The following B3GALT1 variants were observed in gnomAD, a reference collection of about 807,000 sequenced individuals.
B3GALT1 encodes beta-1,3-galactosyltransferase 1, also known as UDP-Gal:betaGlcNAc beta 1,3-galactosyltransferase, polypeptide 1.
A neutral mutation model predicts 23.2 loss-of-function variants in B3GALT1; 10 were observed. That is an observed-to-expected ratio of 0.43 (90% confidence interval 0.27 to 0.73). The LOEUF (loss-of-function observed/expected upper bound fraction) is 0.73, where lower values mean the gene tolerates loss of function less well. B3GALT1 is among the 30% of genes least tolerant of loss of function. The probability of loss-of-function intolerance (pLI) is 0.21; values close to 1 mark genes in which losing one functional copy is unlikely to be tolerated. For synonymous variants in B3GALT1, 156 were observed against 141.5 expected, an observed-to-expected ratio of 1.10 and a Z score of -0.73; for missense variants, 299 against 405.4, an observed-to-expected ratio of 0.74 and a Z score of 2.25.
intron 3 of B3GALT1, among the ~76,000 whole-genome samples, chr2:167,765,837 A>G (rs1251989257): frequency 6.6e-6 from 1 of 152,258 alleles, no homozygotes; most frequent in African/African-American, 2.4e-5. Context: ...GATAAACCTT[A>G]TAACACCATA....
chr2:167,583,961 A>G (rs1318140292), intron 2 of B3GALT1, among the ~76,000 whole-genome samples: 1 of 151,282 alleles, frequency 6.6e-6, no homozygotes, highest in African/African-American at 2.4e-5. Context: ...CTAGACATAT[A>G]TACCAAATAC....
intron 2 of B3GALT1, among the ~76,000 whole-genome samples, chr2:167,522,218 A>G (rs930121394): frequency 6.6e-6 from 1 of 152,012 alleles, no homozygotes; most frequent in Middle Eastern, 3.4e-3. Flanking sequence ...GTGTCGAGTC[A>G]TTACTCAGCC....
At position 167,399,809 on chromosome 2, in the gene B3GALT1, G is replaced by A. The variant is rs189298962; in HGVS notation, c.-510-90368G>A. Among the ~76,000 whole-genome samples, 1,330 of 151,728 alleles carry A rather than the reference G, an allele frequency of 8.8e-3. 4 individuals are homozygous for A. The highest frequency in any genetic ancestry group is 0.015 in the Non-Finnish European group (1,030 of 67,884). On this transcript the variant is annotated intron_variant, in intron 1 of 4. Transcript: ENST00000392690. ...TCTGTGTTGGAGACACTATTTTCTGGGATTTTATATTTTCTTCTGTCTTGT... is the reference window on the plus strand; with the variant it reads ...TCTGTGTTGGAGACACTATTTTCTGAGATTTTATATTTTCTTCTGTCTTGT...
intron 1 of B3GALT1, among the ~76,000 whole-genome samples, chr2:167,425,994 G>T (rs1336308254): frequency 6.6e-6 from 1 of 152,040 alleles, no homozygotes; most frequent in Non-Finnish European, 1.5e-5. Context: ...TCAAGCTAAG[G>T]CATGTAACCT....
chr2:167,410,111 T>C (rs1176928581), intron 1 of B3GALT1, among the ~76,000 whole-genome samples: 1 of 151,952 alleles, frequency 6.6e-6, no homozygotes, highest in Non-Finnish European at 1.5e-5. Context: ...AAAGAATGAG[T>C]TCATGTCCTT....
intron 1 of B3GALT1, among the ~76,000 whole-genome samples, chr2:167,297,048 G>A (rs923905431): frequency 2.0e-5 from 3 of 152,022 alleles, no homozygotes; most frequent in African/African-American, 7.2e-5. Flanking sequence ...CAATAACACT[G>A]CGTAATATGT....
intron 2 of B3GALT1, among the ~76,000 whole-genome samples, chr2:167,636,238 G>T (rs907712519): frequency 6.6e-6 from 1 of 151,908 alleles, no homozygotes; most frequent in Non-Finnish European, 1.5e-5. Flanking sequence ...AGGTGAGCAT[G>T]GCAGGGCAGG....
At chr2:167,815,471 C>T (rs1351380079) in intron 3 of B3GALT1, among the ~76,000 whole-genome samples, 2 of 152,072 alleles carry the variant, frequency 1.3e-5, no homozygotes, top group African/African-American at 4.8e-5. Flanking sequence ...CACACACAAA[C>T]CAGGATCAAA....
intron 4 of B3GALT1, among the ~76,000 whole-genome samples, chr2:167,834,217 A>G (rs1689410888): frequency 6.6e-6 from 1 of 152,326 alleles, no homozygotes; most frequent in East Asian, 1.9e-4. Flanking sequence ...TCCACTTTGT[A>G]TCATGAAGAC....
intron 4 of B3GALT1, among the ~76,000 whole-genome samples, chr2:167,867,165 A>T (rs565731988): frequency 1.3e-5 from 2 of 152,070 alleles, no homozygotes; most frequent in African/African-American, 4.8e-5. Flanking sequence ...TGACCTCGTG[A>T]TCCGCCCCCC....
At chr2:167,683,653 C>T (rs372959029) in intron 3 of B3GALT1, among the ~76,000 whole-genome samples, 1 of 151,976 alleles carries the variant, frequency 6.6e-6, no homozygotes, top group Non-Finnish European at 1.5e-5. Flanking sequence ...CCTGAAAGGT[C>T]GAGGCTGTGG....
intron 3 of B3GALT1, among the ~76,000 whole-genome samples, chr2:167,667,730 CA>C (rs1324966955): frequency 1.3e-5 from 2 of 152,312 alleles, no homozygotes; most frequent in South Asian, 2.1e-4. Context: ...CCCTTTCTTC[CA>C]GTTGATCGCA....
chr2:167,638,943 A>C (rs530325842), intron 2 of B3GALT1, among the ~76,000 whole-genome samples: 3 of 152,146 alleles, frequency 2.0e-5, no homozygotes, highest in African/African-American at 7.2e-5. Context: ...CTGGTTTACC[A>C]ATTCTGTCCC....
chr2:167,417,582 G>A (rs1031179978), intron 1 of B3GALT1, among the ~76,000 whole-genome samples: 1 of 152,190 alleles, frequency 6.6e-6, no homozygotes, highest in South Asian at 2.1e-4. Flanking sequence ...GCCAAGTCAA[G>A]ATCTGTGCTT....
chr2:167,322,802 T>C (rs1185031396), intron 1 of B3GALT1, among the ~76,000 whole-genome samples: 1 of 152,082 alleles, frequency 6.6e-6, no homozygotes. Flanking sequence ...TGGTGAGCTT[T>C]TTAGTCTTGA....
At chr2:167,755,847 A>G (rs552740348) in intron 3 of B3GALT1, among the ~76,000 whole-genome samples, 4 of 151,924 alleles carry the variant, frequency 2.6e-5, no homozygotes, top group East Asian at 2.0e-4. Context: ...TAGTGGCACA[A>G]TTTTGTGGTC....
chr2:167,625,821 G>T (rs1041934346), intron 2 of B3GALT1, among the ~76,000 whole-genome samples: 4 of 150,546 alleles, frequency 2.7e-5, no homozygotes, highest in African/African-American at 9.8e-5. Context: ...TTTGGGTGTG[G>T]CACATTAAAA....
intron 4 of B3GALT1, among the ~76,000 whole-genome samples, chr2:167,860,578 T>A (rs1348794078): frequency 1.3e-5 from 2 of 152,190 alleles, no homozygotes; most frequent in African/African-American, 4.8e-5. Context: ...ATAACAGAAG[T>A]TATTCAGAGT....
At chr2:167,429,812 A>C (rs1698682207) in intron 1 of B3GALT1, among the ~76,000 whole-genome samples, 1 of 152,250 alleles carries the variant, frequency 6.6e-6, no homozygotes, top group Non-Finnish European at 1.5e-5. Context: ...TCCTGTAAAG[A>C]ACAATGCCTG....
Sources: gnomAD v4.1 joint callset for allele counts (sites outside exome capture counted in the v4.1 genomes callset) on GRCh38, gnomAD v4.1.1 for gene constraint, MANE v1.5 for transcripts, NCBI Gene and HGNC (gene_info 2026-07-23, HGNC 2026-07-21) for gene names.